GK5: variants seen among roughly 807,000 people sequenced by gnomAD.
GK5 encodes ATP:glycerol 3-phosphotransferase 5.
GK5 carries 39 observed loss-of-function variants against 77.3 expected under a neutral mutation model. The ratio of observed to expected loss-of-function variants is 0.50; its 90% CI spans 0.39 to 0.66. The LOEUF (loss-of-function observed/expected upper bound fraction) is 0.66, where lower values mean the gene tolerates loss of function less well. GK5 is among the 30% of genes least tolerant of loss of function. The pLI is 0.00. For synonymous variants in GK5, 211 were observed against 208.0 expected, an observed-to-expected ratio of 1.01 and a Z score of -0.13; for missense variants, 487 against 633.8, an observed-to-expected ratio of 0.77 and a Z score of 2.49.
At position 142,159,890 on chromosome 3, in the gene GK5, C is replaced by T. The variant is rs2063413207; in HGVS notation, c.*5732G>A. ...TGAGACAGAGTCTCGCTCTCTCACC[C>T]AGGCTGGAATGCAGTGGCCCAATCT... On this transcript the variant is annotated 3_prime_UTR_variant, in exon 16 of 16. Transcript: ENST00000392993. The T allele has an allele frequency of 7.0e-6, 1 of 143,276 alleles. No individual in the cohort carries two copies. Among genetic ancestry groups the T allele is most frequent in the Non-Finnish European group, 1.5e-5 (1 of 66,676 alleles). 8.9% of individuals were successfully genotyped at this position (143,276 alleles called of 1,614,324 possible). A position where few individuals can be genotyped will look rare whatever the true frequency, so the allele number is the denominator to read the frequency against.
rs530320476 is a variant in GK5, at chr3:142,224,467, T to C, written c.147+842A>G. On this transcript the variant is annotated intron_variant, in intron 1 of 15. Transcript: ENST00000392993. The stretch of plus-strand genomic sequence containing the variant: ...CATAACAAATAAATATTATTTTTGG[T>C]GCATTGACAATTGTGTATAAATCAA... Among the ~76,000 whole-genome samples the C allele has an allele frequency of 2.0e-5, 3 of 152,236 alleles. No individual in the cohort carries two copies. The South Asian group carries it at 6.2e-4, about 31-fold the overall frequency.
chr3:142,196,954 G>A (rs1391186041), intron 5 of GK5, among the ~76,000 whole-genome samples: 1 of 152,174 alleles, frequency 6.6e-6, no homozygotes, highest in Non-Finnish European at 1.5e-5. Context: ...TTGGGAGGCC[G>A]AGGCAGGTGG....
intron 5 of GK5, among the ~76,000 whole-genome samples, chr3:142,191,111 C>G (rs1369229454): frequency 6.6e-6 from 1 of 151,864 alleles, no homozygotes; most frequent in East Asian, 1.9e-4. Flanking sequence ...GGTGCAGTCT[C>G]AGCTCTCTGC....
intron 5 of GK5, among the ~76,000 whole-genome samples, chr3:142,195,399 G>T (rs548453717): frequency 6.6e-6 from 1 of 152,222 alleles, no homozygotes; most frequent in East Asian, 1.9e-4. Flanking sequence ...GGAGTGCAGT[G>T]GTGGTGTGAT....
rs192681097 is a variant in GK5, at chr3:142,199,193, A to T, written c.412-260T>A. Among the ~76,000 whole-genome samples, 899 of 149,386 alleles carry T rather than the reference A, an allele frequency of 6.0e-3. 17 individuals carry two copies. Among genetic ancestry groups the T allele is most frequent in the African/African-American group, 0.02 (802 of 39,496 alleles). ...TCAGGTACTTATTATAAACTTTTTT[A>T]AAAAAAAACAACTATATTTTTACCT... is the stretch of plus-strand genomic sequence containing the variant. On this transcript the variant is annotated intron_variant, in intron 4 of 15. Coordinates refer to ENST00000392993, the MANE Select transcript of GK5 (RefSeq NM_001039547.3).
intron 4 of GK5, among the ~76,000 whole-genome samples, chr3:142,203,886 CG>C (rs1319379348): frequency 6.6e-6 from 1 of 152,150 alleles, no homozygotes; most frequent in Non-Finnish European, 1.5e-5. Flanking sequence ...CCCTTTGACT[CG>C]GGAATCTCAC....
intron 4 of GK5, among the ~76,000 whole-genome samples, 177 bp from the exon 5 acceptor site, chr3:142,199,110 T>G (rs1056246938): frequency 6.6e-6 from 1 of 152,192 alleles, no homozygotes; most frequent in Non-Finnish European, 1.5e-5. Flanking sequence ...GCAGTTTGTA[T>G]TCTAACATAT....
Position 142,163,511 on chromosome 3 carries a change from C to A in GK5, c.*2111G>T, listed in dbSNP as rs2063442039. 1 of 152,034 alleles carries A rather than the reference C, an allele frequency of 6.6e-6. No homozygotes were observed. The allele number at this position is 152,034 out of a possible 1,614,324, so 9.4% of individuals were successfully genotyped here. A position where few individuals can be genotyped will look rare whatever the true frequency, so the allele number is the denominator to read the frequency against. On this transcript the variant is annotated 3_prime_UTR_variant, in exon 16 of 16. Transcript: ENST00000392993. ...GGTTGGACTCCTGACCTCAAATGAT[C>A]CGCCCACTTCAGCCTGCCAAAGTGC...
At chr3:142,209,668 T>C (rs530259681) in intron 3 of GK5, among the ~76,000 whole-genome samples, 1 of 152,360 alleles carries the variant, frequency 6.6e-6, no homozygotes, top group South Asian at 2.1e-4. Flanking sequence ...AATGTAAGTA[T>C]CAAATACTAC....
intron 5 of GK5, among the ~76,000 whole-genome samples, chr3:142,195,926 T>G (rs1168182579): frequency 6.6e-6 from 1 of 152,262 alleles, no homozygotes; most frequent in African/African-American, 2.4e-5. Flanking sequence ...TTTAAACTTT[T>G]GGTAGAATTC....
intron 1 of GK5, among the ~76,000 whole-genome samples, chr3:142,221,093 A>T (rs1410167052): frequency 6.6e-6 from 1 of 152,226 alleles, no homozygotes; most frequent in Non-Finnish European, 1.5e-5. Context: ...AATTTCTAAC[A>T]TGTAGTATGA....
rs1274781746 is a variant in GK5 at position 142,163,570 on chromosome 3, C to T, written c.*2052G>A. On this transcript the variant is annotated 3_prime_UTR_variant, in exon 16 of 16. Transcript: ENST00000392993. ...CAGGCATGAGCCACTGCACACAGCC[C>T]AAAGTATTTATCCTTTATTTTGTGG... 1.3e-5 allele frequency: 2 copies of T among 152,004 alleles called. No homozygotes were observed. Among genetic ancestry groups the T allele is most frequent in the African/African-American group, 2.4e-5 (1 of 41,384 alleles). The allele number at this position is 152,004 out of a possible 1,614,324, so 9.4% of individuals were successfully genotyped here.
intron 3 of GK5, among the ~76,000 whole-genome samples, 187 bp from the exon 4 acceptor site, chr3:142,204,975 C>T (rs562720202): frequency 1.3e-5 from 2 of 152,304 alleles, no homozygotes; most frequent in East Asian, 3.9e-4. Context: ...AATTATGTGA[C>T]ATATAGTATG....
At chr3:142,211,066 T>C (rs2064182828) in intron 3 of GK5, among the ~76,000 whole-genome samples, 1 of 152,262 alleles carries the variant, frequency 6.6e-6, no homozygotes, top group South Asian at 2.1e-4. Flanking sequence ...TTTCTCCACA[T>C]AATCTCTACC....
intron 3 of GK5, among the ~76,000 whole-genome samples, chr3:142,209,829 A>G (rs969935037): frequency 5.9e-5 from 9 of 152,182 alleles, no homozygotes; most frequent in Non-Finnish European, 1.5e-5. Flanking sequence ...TCAAACAGTT[A>G]TGAGTGAATC....
At chr3:142,204,389 T>G (rs1332761726) in intron 4 of GK5, 1 of 378,354 alleles carries the variant, frequency 2.6e-6, no homozygotes, top group Admixed American at 3.9e-5. Flanking sequence ...TTATAAAAGA[T>G]GAAATTTGGG....
chr3:142,169,920 G>A (rs1473272300), intron 15 of GK5, among the ~76,000 whole-genome samples: 1 of 152,028 alleles, frequency 6.6e-6, no homozygotes, highest in East Asian at 1.9e-4. Flanking sequence ...TGATCCACCC[G>A]CTTCAGCCTC....
At chr3:142,177,743 C>T (rs2063636591) in intron 11 of GK5, 167 bp from the exon 12 acceptor site, 2 of 556,674 alleles carry the variant, frequency 3.6e-6, no homozygotes, top group Admixed American at 6.6e-5. Context: ...CCATTCTGTT[C>T]TGGTACTATC....
chr3:142,186,628 T>C (rs1577121334), intron 6 of GK5, 115 bp from the exon 7 acceptor site: 2 of 475,480 alleles, frequency 4.2e-6, no homozygotes, highest in East Asian at 7.2e-5. Flanking sequence ...AATGTGTATT[T>C]TCTTTTTTTT....
Sources: gnomAD v4.1 joint callset for allele counts (sites outside exome capture counted in the v4.1 genomes callset) on GRCh38, gnomAD v4.1.1 for gene constraint, MANE v1.5 for transcripts, NCBI Gene and HGNC (gene_info 2026-07-23, HGNC 2026-07-21) for gene names.